Variants in UNC13B observed in about 807,000 individuals in gnomAD.
UNC13B encodes protein unc-13 homolog B.
Under a neutral mutation model 211.0 loss-of-function variants are expected in UNC13B, and 144 were observed. The ratio of observed to expected loss-of-function variants is 0.68; its 90% CI spans 0.60 to 0.78. The LOEUF is 0.78. Ranked by LOEUF, UNC13B falls within the 30% of genes least tolerant of loss-of-function variation. The pLI is 0.00. For synonymous variants in UNC13B, 709 were observed against 725.8 expected (o/e 0.98, Z 0.37); for missense variants, 1,777 against 2,002.0 (o/e 0.89, Z 2.14).
intron 10 of UNC13B, 100 bp downstream of exon 10, chr9:35,310,881 G>A (rs560026448): frequency 1.7e-6 from 2 of 1,186,658 alleles, no homozygotes; most frequent in African/African-American, 1.5e-5. Flanking sequence ...CCTGCAGCTG[G>A]GTATGGTGGT....
At chr9:35,338,559 T>C (rs1186848622) in intron 11 of UNC13B, among the ~76,000 whole-genome samples, 2 of 152,180 alleles carry the variant, frequency 1.3e-5, no homozygotes, top group East Asian at 3.9e-4. Flanking sequence ...GCGGGAAAAA[T>C]GACTTTTCTT....
intron 26 of UNC13B, among the ~76,000 whole-genome samples, chr9:35,395,332 T>C (rs1353068080): frequency 2.0e-5 from 3 of 152,188 alleles, no homozygotes; most frequent in Non-Finnish European, 4.4e-5. Context: ...CAACTTTAGG[T>C]TGAGACAGTG....
intron 6 of UNC13B, among the ~76,000 whole-genome samples, chr9:35,258,459 G>T (rs543203260): frequency 6.6e-6 from 1 of 152,300 alleles, no homozygotes; most frequent in African/African-American, 2.4e-5. Flanking sequence ...GATGGCGGAG[G>T]TTACAGTGCT....
At chr9:35,389,160 C>A (rs1229053935) in intron 24 of UNC13B, among the ~76,000 whole-genome samples, 2 of 152,112 alleles carry the variant, frequency 1.3e-5, no homozygotes, top group East Asian at 3.9e-4. Flanking sequence ...TGTGGTGACT[C>A]CTACTTCACT....
intron 1 of UNC13B, among the ~76,000 whole-genome samples, chr9:35,202,420 C>T (rs1823362041): frequency 6.6e-6 from 1 of 152,158 alleles, no homozygotes; most frequent in African/African-American, 2.4e-5. Flanking sequence ...CTTTCTGTCT[C>T]ATTGAGCTGT....
intron 1 of UNC13B, among the ~76,000 whole-genome samples, chr9:35,192,003 A>G (rs1449095103): frequency 6.6e-6 from 1 of 152,210 alleles, no homozygotes; most frequent in Non-Finnish European, 1.5e-5. Context: ...CCACAAATAT[A>G]AACAATAATC....
intron 1 of UNC13B, among the ~76,000 whole-genome samples, chr9:35,200,743 G>A (rs1030667654): frequency 3.3e-5 from 5 of 152,176 alleles, no homozygotes; most frequent in South Asian, 2.1e-4. Context: ...GGGCTGAGAT[G>A]ATGGGGTTTT....
Position 35,399,150 on chromosome 9 carries a change from T to A in UNC13B, c.12075-11T>A. On this transcript the variant is annotated splice_polypyrimidine_tract_variant and intron_variant, in intron 33 of 39. Transcript: ENST00000635942. ...TCTCACCCTGGTCTCACCTGTTGCCTGGACTTGCAGCCTCACCCTCTTTGC... is the reference window on the plus strand; with the variant it reads ...TCTCACCCTGGTCTCACCTGTTGCCAGGACTTGCAGCCTCACCCTCTTTGC... The A allele has an allele frequency of 6.2e-7, 1 of 1,614,204 alleles. No homozygotes were observed.
At chr9:35,166,661 T>C (rs1821052134) in intron 1 of UNC13B, among the ~76,000 whole-genome samples, 1 of 152,138 alleles carries the variant, frequency 6.6e-6, no homozygotes, top group Non-Finnish European at 1.5e-5. Context: ...ACTTTTTAAT[T>C]CATTGTTTTC....
chr9:35,286,822 T>C (rs1308203631), intron 7 of UNC13B, among the ~76,000 whole-genome samples: 1 of 152,198 alleles, frequency 6.6e-6, no homozygotes, highest in African/African-American at 2.4e-5. Flanking sequence ...GGGAGGGTGG[T>C]GCATCGCAAA....
intron 7 of UNC13B, among the ~76,000 whole-genome samples, chr9:35,280,764 C>T (rs1222355101): frequency 6.6e-6 from 1 of 152,108 alleles, no homozygotes; most frequent in Non-Finnish European, 1.5e-5. Flanking sequence ...TCTATCCTGG[C>T]TTCCTCTAAA....
intron 6 of UNC13B, among the ~76,000 whole-genome samples, chr9:35,258,313 G>A (rs960127312): frequency 7.9e-5 from 12 of 152,248 alleles, no homozygotes; most frequent in Admixed American, 6.5e-4. Flanking sequence ...TAATTTGTTT[G>A]TGCCTTTCTC....
At chr9:35,368,390 C>T (rs529778762) in intron 12 of UNC13B, among the ~76,000 whole-genome samples, 20 of 152,304 alleles carry the variant, frequency 1.3e-4, no homozygotes, top group African/African-American at 4.1e-4. Context: ...GACATGATCT[C>T]GTTCTTTTTT....
At chr9:35,378,789 G>A (rs1834623696) in intron 17 of UNC13B, among the ~76,000 whole-genome samples, 1 of 152,170 alleles carries the variant, frequency 6.6e-6, no homozygotes, top group African/African-American at 2.4e-5. Context: ...GGAAGGTACA[G>A]TAGGGTTAGG....
At chr9:35,252,507 T>G (rs1398250314) in intron 6 of UNC13B, among the ~76,000 whole-genome samples, 4 of 150,910 alleles carry the variant, frequency 2.7e-5, no homozygotes, top group Non-Finnish European at 5.9e-5. Flanking sequence ...GGGTTTCACC[T>G]TGTTGCCCAG....
chr9:35,310,795 G>C lies in UNC13B; in HGVS notation c.9323+14G>C. 1.9e-6 allele frequency: 3 copies of C among 1,607,078 alleles called. No homozygotes were observed. The highest frequency in any genetic ancestry group is 2.6e-6 in the Non-Finnish European group (3 of 1,176,310). On this transcript the variant is annotated intron_variant, in intron 10 of 39. Transcript: ENST00000635942. ...TCCCCAGGAGAGGTAGGCAACAGCT[G>C]CCTTGAGGAGCTCACATGGCTTCCT...
At chr9:35,188,051 A>T (rs903224618) in intron 1 of UNC13B, among the ~76,000 whole-genome samples, 1 of 152,244 alleles carries the variant, frequency 6.6e-6, no homozygotes, top group Non-Finnish European at 1.5e-5. Flanking sequence ...TCTGAAAAAC[A>T]AAACAAGGAT....
rs1216162264 is a variant in UNC13B, at chr9:35,390,610, G to A, written c.11223-19G>A. On this transcript the variant is annotated intron_variant, in intron 25 of 39. Transcript: ENST00000635942. ...GGCTCTTGCCTTATTCTCTGACTGT[G>A]GTTTCTTCTGTCATCCAGGTTTCCT... 5 of 1,612,830 alleles carry A rather than the reference G, an allele frequency of 3.1e-6. No homozygotes were observed. The highest frequency in any genetic ancestry group is 3.3e-5 in the Admixed American group (2 of 59,888).
chr9:35,328,739 T>G (rs1251568638), intron 11 of UNC13B, among the ~76,000 whole-genome samples: 4 of 149,242 alleles, frequency 2.7e-5, no homozygotes, highest in Admixed American at 2.0e-4. Flanking sequence ...CTTCCTTTCC[T>G]TCTTTTCTTT....
Sources: allele counts gnomAD v4.1 joint callset (sites outside exome capture counted in the v4.1 genomes callset), GRCh38; gene constraint gnomAD v4.1.1; transcripts MANE v1.5; gene names NCBI Gene and HGNC (gene_info 2026-07-23, HGNC 2026-07-21).